RARB: variants seen among roughly 807,000 people sequenced by gnomAD.
RARB encodes HBV-activated protein.
A neutral mutation model predicts 51.9 loss-of-function variants in RARB; 17 were observed. The ratio of observed to expected loss-of-function variants is 0.33; its 90% CI spans 0.22 to 0.49. The LOEUF (loss-of-function observed/expected upper bound fraction) is 0.49, where lower values mean the gene tolerates loss of function less well. Ranked by LOEUF, RARB falls within the 20% of genes least tolerant of loss-of-function variation. The pLI, the probability that RARB is intolerant of heterozygous loss-of-function variation, is 0.99. For missense variants in RARB, 369 were observed against 550.8 expected, an observed-to-expected ratio of 0.67 and a Z score of 3.30; for synonymous variants, 215 against 195.4, an observed-to-expected ratio of 1.10 and a Z score of -0.84.
chr3:25,128,379 T>C (rs1367282954), intron 3 of RARB, among the ~76,000 whole-genome samples: 2 of 150,164 alleles, frequency 1.3e-5, no homozygotes, highest in Non-Finnish European at 3.0e-5. Context: ...CATGAAATTA[T>C]ATATTTCTAT....
At chr3:24,857,284 T>A (rs572678261) in intron 1 of RARB, among the ~76,000 whole-genome samples, 8 of 152,280 alleles carry the variant, frequency 5.3e-5, no homozygotes, top group Non-Finnish European at 1.0e-4. Context: ...TGGAGTCTGT[T>A]CCAAAGTTTT....
chr3:25,324,864 C>T (rs1167330261), intron 5 of RARB, among the ~76,000 whole-genome samples: 1 of 152,148 alleles, frequency 6.6e-6, no homozygotes, highest in Non-Finnish European at 1.5e-5. Context: ...CCCAAATTAC[C>T]TTTGATCTTC....
intron 5 of RARB, among the ~76,000 whole-genome samples, chr3:25,329,548 G>C (rs1047024098): frequency 3.9e-5 from 6 of 152,154 alleles, no homozygotes; most frequent in African/African-American, 1.4e-4. Context: ...AAACCACAAA[G>C]ATGGGGAGAA....
At chr3:25,502,203 A>ACATGGG (rs1697353212) in intron 3 of RARB, among the ~76,000 whole-genome samples, 1 of 152,184 alleles carries the variant, frequency 6.6e-6, no homozygotes, top group East Asian at 1.9e-4. Context: ...GGGACCCTAG[A>ACATGGG]GATACCTGAG....
At chr3:25,048,637 C>T (rs943928726) in intron 2 of RARB, among the ~76,000 whole-genome samples, 1 of 151,716 alleles carries the variant, frequency 6.6e-6, no homozygotes, top group East Asian at 1.9e-4. Flanking sequence ...GCCAAAAGCA[C>T]TTAATTTCAG....
intron 2 of RARB, among the ~76,000 whole-genome samples, chr3:25,479,452 C>G (rs1696122190): frequency 6.6e-6 from 1 of 152,096 alleles, no homozygotes; most frequent in Admixed American, 6.5e-5. Flanking sequence ...TAGATTAAAA[C>G]CCCAAAAGCT....
chr3:25,362,875 G>A lies in RARB; in HGVS notation c.179-98318G>A, dbSNP rs570803316. 6.6e-5 allele frequency among the ~76,000 whole-genome samples: 10 copies of A among 152,296 alleles called. No individual in the cohort carries two copies. In the South Asian group the frequency reaches 1.5e-3, roughly 22 times the overall value. ...AATGCAGAGATCACCAGCCTTCTGC[G>A]TTGGCCTCTCTGGGAGCTGCAGACT... On this transcript the variant is annotated intron_variant, in intron 5 of 11. Coordinates refer to the RARB transcript ENST00000383772.
chr3:25,410,699 T>G, intron 5 of RARB, among the ~76,000 whole-genome samples: 1 of 152,218 alleles, frequency 6.6e-6, no homozygotes, highest in East Asian at 1.9e-4. Context: ...TTATAAGAAC[T>G]AATTTTTGGT....
chr3:25,507,205 C>A (rs1390151489), intron 3 of RARB, among the ~76,000 whole-genome samples: 1 of 152,202 alleles, frequency 6.6e-6, no homozygotes, highest in Non-Finnish European at 1.5e-5. Context: ...TCTTTCTCAC[C>A]TTGTAGCCCC....
At chr3:24,910,482 A>G (rs1220838896) in intron 2 of RARB, among the ~76,000 whole-genome samples, 1 of 152,166 alleles carries the variant, frequency 6.6e-6, no homozygotes, top group Non-Finnish European at 1.5e-5. Context: ...ATTTTTTAGG[A>G]CCTGTGAATA....
At chr3:25,065,108 G>T (rs1229365964) in intron 3 of RARB, among the ~76,000 whole-genome samples, 2 of 143,802 alleles carry the variant, frequency 1.4e-5, no homozygotes, top group African/African-American at 5.5e-5. Flanking sequence ...TTTTAAATAC[G>T]ACTCTAGAAC....
intron 2 of RARB, among the ~76,000 whole-genome samples, chr3:24,988,002 T>C (rs979143671): frequency 6.6e-6 from 1 of 152,178 alleles, no homozygotes; most frequent in Non-Finnish European, 1.5e-5. Context: ...TTAGTTGTAA[T>C]TAGAACATTT....
intron 2 of RARB, among the ~76,000 whole-genome samples, chr3:24,938,742 T>C (rs1695596277): frequency 6.6e-6 from 1 of 152,254 alleles, no homozygotes; most frequent in South Asian, 2.1e-4. Flanking sequence ...CCTCAGTCCC[T>C]GGTAATTTTC....
intron 5 of RARB, chr3:25,260,111 T>C: frequency 1.6e-6 from 1 of 629,860 alleles, no homozygotes; most frequent in Non-Finnish European, 2.0e-6. Flanking sequence ...GTTTGTTGTT[T>C]GTACTGACTC....
At chr3:24,985,372 A>C (rs1427088689) in intron 2 of RARB, among the ~76,000 whole-genome samples, 1 of 150,604 alleles carries the variant, frequency 6.6e-6, no homozygotes, top group Non-Finnish European at 1.5e-5. Context: ...TTTGACAAGA[A>C]CATTTCCCAG....
intron 2 of RARB, among the ~76,000 whole-genome samples, chr3:25,052,720 T>G (rs879827912): frequency 6.6e-6 from 1 of 152,162 alleles, no homozygotes; most frequent in African/African-American, 2.4e-5. Context: ...GATTGCAATT[T>G]AACAATCATA....
chr3:24,953,586 C>T (rs1394422901), intron 2 of RARB, among the ~76,000 whole-genome samples: 1 of 151,990 alleles, frequency 6.6e-6, no homozygotes, highest in Non-Finnish European at 1.5e-5. Flanking sequence ...GTTATCGTTG[C>T]CATAGAGATA....
At chr3:25,468,372 CT>C (rs34870919) in intron 2 of RARB, among the ~76,000 whole-genome samples, 1,927 of 81,706 alleles carry the variant, frequency 0.024, 15 homozygotes, top group East Asian at 0.073. Flanking sequence ...GGCATTTGGG[CT>C]TTTTTTTTTT....
At chr3:25,035,884 T>C (rs995932602) in intron 2 of RARB, among the ~76,000 whole-genome samples, 2 of 152,132 alleles carry the variant, frequency 1.3e-5, no homozygotes, top group African/African-American at 4.8e-5. Flanking sequence ...TGAGCCTCAG[T>C]GACTGCCACA....
Sources: gnomAD v4.1 joint callset for allele counts (sites outside exome capture counted in the v4.1 genomes callset) on GRCh38, gnomAD v4.1.1 for gene constraint, MANE v1.5 for transcripts, NCBI Gene and HGNC (gene_info 2026-07-23, HGNC 2026-07-21) for gene names.